The following CDK13 variants were observed in gnomAD, a reference collection of about 807,000 sequenced individuals.
CDK13 encodes cyclin dependent kinase 13, also known as cyclin-dependent kinase 13.
CDK13 carries 40 observed loss-of-function variants against 137.6 expected under a neutral mutation model. That is an observed-to-expected ratio of 0.29 (90% CI 0.23 to 0.38). The LOEUF (loss-of-function observed/expected upper bound fraction) is 0.38, where lower values mean the gene tolerates loss of function less well. CDK13 is among the 10% of genes least tolerant of loss of function. CDK13 has a pLI of 1.00. For synonymous variants in CDK13, 869 were observed against 760.1 expected (o/e 1.14, Z -2.36); for missense variants, 1,704 against 1,951.8 (o/e 0.87, Z 2.39).
At chr7:40,004,725 A>T (rs1197379268) in intron 5 of CDK13, among the ~76,000 whole-genome samples, 1 of 152,274 alleles carries the variant, frequency 6.6e-6, no homozygotes, top group Admixed American at 6.5e-5. Flanking sequence ...AAATGAGTGT[A>T]TTAGAACATA....
In CDK13 at chr7:39,980,395, A is replaced by G. The variant is rs1476580146; in HGVS notation, c.1212-7204A>G. Among the ~76,000 whole-genome samples the G allele has an allele frequency of 1.3e-5, 2 of 152,244 alleles. 1 individual carries two copies. The highest frequency in any genetic ancestry group is 4.8e-5 in the African/African-American group (2 of 41,468). On this transcript the variant is annotated intron_variant, in intron 1 of 13. Coordinates refer to ENST00000181839, the MANE Select transcript of CDK13 (RefSeq NM_003718.5). ...GAAGAAAATTTGAAACAAGGAGATG[A>G]ATTTAAGAGGCTACCACAGTGCTGT... is the stretch of plus-strand genomic sequence containing the variant.
chr7:40,033,445 G>A (rs1082027), intron 5 of CDK13, among the ~76,000 whole-genome samples: 151,324 of 152,348 alleles, frequency 0.99, 75,162 homozygotes, highest in East Asian at 1. Flanking sequence ...GTGTTTTAGC[G>A]TGCTTTAAAA....
chr7:39,976,323 T>TCTCTCTCTCA lies in CDK13; in HGVS notation c.1212-11275_1212-11274insTCTCTCTCAC. ...CTCTCTCTCTCTCTCTCTCTCTCTC[T>TCTCTCTCTCA]CACACACACACACACACACACACAC... On this transcript the variant is annotated intron_variant, in intron 1 of 13. Transcript: ENST00000181839. Among the ~76,000 whole-genome samples, 287 of 39,568 alleles carry TCTCTCTCTCA rather than the reference T, an allele frequency of 7.3e-3. 7 individuals carry two copies. The highest frequency in any genetic ancestry group is 0.013 in the African/African-American group (187 of 14,608). 26.0% of individuals were successfully genotyped at this position (39,568 alleles called of 152,430 possible).
chr7:39,973,146 CTT>C (rs1180046510), intron 1 of CDK13, among the ~76,000 whole-genome samples: 1 of 151,860 alleles, frequency 6.6e-6, no homozygotes, highest in South Asian at 2.1e-4. Context: ...ACTACCCCCT[CTT>C]TTTTTTGAGA....
Position 40,062,907 on chromosome 7 carries a change from C to T in CDK13, c.2682C>T (p.Ala894=), listed in dbSNP as rs1429930484. 2 of 1,613,158 alleles carry T rather than the reference C, an allele frequency of 1.2e-6. No individual in the cohort carries two copies. Among genetic ancestry groups the T allele is most frequent in the East Asian group, 4.5e-5 (2 of 44,854 alleles). Residue 894 remains alanine, a synonymous_variant, in exon 8 of 14, where the codon GCC becomes GCT. Coordinates refer to ENST00000181839, the MANE Select transcript of CDK13 (RefSeq NM_003718.5). ...TGGGAGAAGAACGATACACACCAGCCATTGATGTATGGAGCTGTGGGTAAG... is the reference window on the plus strand; with the variant it reads ...TGGGAGAAGAACGATACACACCAGCTATTGATGTATGGAGCTGTGGGTAAG... ...LLLGEERYTP[A]IDVWSCGCIL...
rs1212153268 is a variant in CDK13 at position 39,950,890 on chromosome 7, G to A, written c.249G>A (p.Pro83=). The A allele has an allele frequency of 2.2e-6, 3 of 1,351,756 alleles. No individual in the cohort carries two copies. Among genetic ancestry groups the A allele is most frequent in the East Asian group, 3.1e-5 (1 of 32,576 alleles). The allele number at this position is 1,351,756 out of a possible 1,614,324, so 83.7% of individuals were successfully genotyped here. ...AAAASSSCFS[P]GPPLEVKRLA... The stretch of plus-strand genomic sequence containing the variant: ...CGGCCTCCTCCTCTTGCTTCAGCCC[G>A]GGCCCCCCTCTGGAGGTCAAGCGGC... Residue 83 remains proline, a synonymous_variant, in exon 1 of 14, where the codon CCG becomes CCA. Coordinates refer to ENST00000181839, the MANE Select transcript of CDK13 (RefSeq NM_003718.5).
chr7:40,090,468 C>A (rs17496733), intron 12 of CDK13, among the ~76,000 whole-genome samples: 1 of 152,310 alleles, frequency 6.6e-6, no homozygotes, highest in East Asian at 1.9e-4. Flanking sequence ...ATTCTCCTGC[C>A]TCAGACTCCA....
At chr7:39,954,140 T>C (rs1293206779) in intron 1 of CDK13, among the ~76,000 whole-genome samples, 4 of 152,238 alleles carry the variant, frequency 2.6e-5, no homozygotes, top group Non-Finnish European at 4.4e-5. Context: ...TGCTAACCCT[T>C]TAAAATATAA....
chr7:39,954,184 T>A (rs905133446), intron 1 of CDK13, among the ~76,000 whole-genome samples: 2 of 152,196 alleles, frequency 1.3e-5, no homozygotes, highest in African/African-American at 2.4e-5. Flanking sequence ...TCTTCTAGAC[T>A]AAAAAACTCA....
In CDK13 at chr7:40,098,313, T is replaced by C. The variant is rs1787085211; in HGVS notation, c.*3333T>C. ...TGGTACTTCTGAGTTAAGGTTTTGC[T>C]CTTTGAGCTTAATCCAATTTGGGAT... On this transcript the variant is annotated 3_prime_UTR_variant, in exon 14 of 14. Coordinates refer to ENST00000181839, the MANE Select transcript of CDK13 (RefSeq NM_003718.5). 6.6e-6 allele frequency: 1 copy of C among 152,132 alleles called. No homozygotes were observed. The allele number at this position is 152,132 out of a possible 1,614,324, so 9.4% of individuals were successfully genotyped here.
rs542484556 is a variant in CDK13 at position 39,988,855 on chromosome 7, G to A, written c.1871+597G>A. 4.3e-4 allele frequency among the ~76,000 whole-genome samples: 65 copies of A among 152,148 alleles called. 1 individual carries two copies. Among genetic ancestry groups the A allele is most frequent in the Admixed American group, 3.0e-3 (46 of 15,286 alleles). ...CCAGCACTTTGGGAGGCCGAGGCGG[G>A]TGGATCACCTGAGGTCAGGAGTTCA... On this transcript the variant is annotated intron_variant, in intron 2 of 13. Transcript: ENST00000181839.
intron 5 of CDK13, among the ~76,000 whole-genome samples, chr7:40,014,679 C>G (rs960413440): frequency 3.9e-5 from 6 of 152,048 alleles, no homozygotes; most frequent in Non-Finnish European, 1.5e-5. Context: ...CAGTCTCGAA[C>G]TCCTGGGCTC....
chr7:40,033,764 A>G (rs560673445), intron 5 of CDK13, among the ~76,000 whole-genome samples: 13 of 152,270 alleles, frequency 8.5e-5, no homozygotes, highest in African/African-American at 2.9e-4. Flanking sequence ...GAAGTGTTCT[A>G]TAGCCTAAAG....
Position 39,950,522 on chromosome 7 carries a change from G to T in CDK13, c.-120G>T, listed in dbSNP as rs941269757. ...CCCGGATTATCGTGGCGCTTTTCCC[G>T]GCCGGCTCTGGTGCTCGGTGTCCCT... is the stretch of plus-strand genomic sequence containing the variant. On this transcript the variant is annotated 5_prime_UTR_variant, in exon 1 of 14. Coordinates refer to ENST00000181839, the MANE Select transcript of CDK13 (RefSeq NM_003718.5). The T allele has an allele frequency of 2.4e-6, 3 of 1,265,786 alleles. No individual in the cohort carries two copies. The highest frequency in any genetic ancestry group is 3.0e-6 in the Non-Finnish European group (3 of 1,006,476). The allele number at this position is 1,265,786 out of a possible 1,614,324, so 78.4% of individuals were successfully genotyped here.
chr7:40,091,640 A>G (rs1304477531), intron 12 of CDK13, among the ~76,000 whole-genome samples: 2 of 152,228 alleles, frequency 1.3e-5, no homozygotes, highest in Non-Finnish European at 2.9e-5. Flanking sequence ...AGGCACCTCA[A>G]TTAAAGACCA....
chr7:40,013,975 A>G (rs1443156655), intron 5 of CDK13, among the ~76,000 whole-genome samples: 2 of 151,940 alleles, frequency 1.3e-5, no homozygotes, highest in African/African-American at 2.4e-5. Flanking sequence ...TCAAAAAATA[A>G]TACAGTGCTT....
chr7:39,965,930 A>G (rs1237717345), intron 1 of CDK13, among the ~76,000 whole-genome samples: 4 of 152,324 alleles, frequency 2.6e-5, no homozygotes, highest in Admixed American at 1.3e-4. Flanking sequence ...TTCTTTAAGA[A>G]TGTTGAATAT....
intron 5 of CDK13, among the ~76,000 whole-genome samples, chr7:40,018,802 C>G (rs1005888608): frequency 1.3e-5 from 2 of 152,050 alleles, no homozygotes; most frequent in Non-Finnish European, 2.9e-5. Flanking sequence ...ACTCGGGTGA[C>G]AGGGGCACTA....
At chr7:40,055,924 T>C (rs1786011215) in intron 7 of CDK13, among the ~76,000 whole-genome samples, 1 of 152,218 alleles carries the variant, frequency 6.6e-6, no homozygotes, top group African/African-American at 2.4e-5. Context: ...TGTATTTTCA[T>C]ATTACAACGT....
Sources: allele counts gnomAD v4.1 joint callset (sites outside exome capture counted in the v4.1 genomes callset), GRCh38; gene constraint gnomAD v4.1.1; transcripts MANE v1.5; gene names NCBI Gene and HGNC (gene_info 2026-07-23, HGNC 2026-07-21).